The following ASNS variants were observed in gnomAD, a reference collection of about 807,000 sequenced individuals.
The protein encoded by ASNS is asparagine synthetase (glutamine-hydrolyzing), also known as asparagine synthetase [glutamine-hydrolyzing].
Under a neutral mutation model 62.6 loss-of-function variants are expected in ASNS, and 37 were observed. That is an observed-to-expected ratio of 0.59 (90% CI 0.45 to 0.78). ASNS has a LOEUF of 0.78. ASNS is among the 30% of genes least tolerant of loss of function. The pLI is 0.00. For missense variants in ASNS, 520 were observed against 682.4 expected, an observed-to-expected ratio of 0.76 and a Z score of 2.65; for synonymous variants, 207 against 237.9, an observed-to-expected ratio of 0.87 and a Z score of 1.19.
chr7:97,888,278 A>C, the ASNS span, among the ~76,000 whole-genome samples: 3 of 150,770 alleles, frequency 2.0e-5, no homozygotes, highest in African/African-American at 7.3e-5. Flanking sequence ...CCAGCCTCTT[A>C]TTCTTTTTAA....
intron 4 of ASNS, among the ~76,000 whole-genome samples, chr7:97,861,272 A>G (rs1791706319): frequency 6.6e-6 from 1 of 152,108 alleles, no homozygotes; most frequent in South Asian, 2.1e-4. Context: ...TCGGCCTCCC[A>G]AAGTGCTGGG....
chr7:97,878,202 A>G, the ASNS span, among the ~76,000 whole-genome samples: 1 of 152,212 alleles, frequency 6.6e-6, no homozygotes, highest in East Asian at 1.9e-4. Flanking sequence ...TGGCCAACCA[A>G]CATGGGGAAA....
chr7:97,925,725 G>C, the ASNS span, among the ~76,000 whole-genome samples: 1 of 152,184 alleles, frequency 6.6e-6, no homozygotes, highest in Admixed American at 6.5e-5. Context: ...TACCTGGTGC[G>C]TTAATCAGGG....
chr7:97,925,046 A>T, the ASNS span, among the ~76,000 whole-genome samples: 1 of 152,234 alleles, frequency 6.6e-6, no homozygotes, highest in Non-Finnish European at 1.5e-5. Flanking sequence ...CTGAGGCAGG[A>T]GAATCACTTG....
At chr7:97,902,028 T>C in the ASNS span, among the ~76,000 whole-genome samples, 2 of 152,160 alleles carry the variant, frequency 1.3e-5, no homozygotes, top group Non-Finnish European at 2.9e-5. Flanking sequence ...TTAATGTGTA[T>C]ATGGACAATA....
chr7:97,910,116 T>TA, the ASNS span, among the ~76,000 whole-genome samples: 1 of 152,076 alleles, frequency 6.6e-6, no homozygotes, highest in Non-Finnish European at 1.5e-5. Flanking sequence ...CAAAGACTAG[T>TA]TCCCAACCCA....
At chr7:97,914,203 G>C in the ASNS span, among the ~76,000 whole-genome samples, 3 of 150,876 alleles carry the variant, frequency 2.0e-5, no homozygotes, top group Non-Finnish European at 3.0e-5. Flanking sequence ...TGGATGGATG[G>C]ATGGAATGGT....
At chr7:97,868,829 T>A in intron 3 of ASNS, 79 bp downstream of exon 3, 1 of 1,571,476 alleles carries the variant, frequency 6.4e-7, no homozygotes, top group Non-Finnish European at 8.6e-7. Context: ...AAAAGCATGA[T>A]ACAGAATATG....
At chr7:97,881,562 C>A in the ASNS span, among the ~76,000 whole-genome samples, 3 of 152,122 alleles carry the variant, frequency 2.0e-5, no homozygotes. Context: ...ACCAAGATGG[C>A]CATTTGGTTG....
the ASNS span, among the ~76,000 whole-genome samples, chr7:97,921,450 T>A: frequency 2.6e-5 from 4 of 152,144 alleles, no homozygotes; most frequent in African/African-American, 9.7e-5. Flanking sequence ...AAAACTTTAT[T>A]TGTGTGAACA....
At chr7:97,888,568 A>G in the ASNS span, among the ~76,000 whole-genome samples, 4 of 152,070 alleles carry the variant, frequency 2.6e-5, no homozygotes, top group Non-Finnish European at 5.9e-5. Flanking sequence ...AGCCTAAAAT[A>G]TTACCGTTTG....
intron 1 of ASNS, among the ~76,000 whole-genome samples, chr7:97,870,885 G>A (rs992413994): frequency 3.9e-4 from 60 of 152,250 alleles, no homozygotes; most frequent in African/African-American, 1.4e-3. Context: ...AAAGAGGCAT[G>A]TAAAGTACAC....
intron 3 of ASNS, among the ~76,000 whole-genome samples, chr7:97,866,921 G>C (rs527993060): frequency 3.9e-5 from 6 of 152,178 alleles, no homozygotes; most frequent in Admixed American, 2.0e-4. Context: ...CTGCCTGAAG[G>C]GTTAGTGACC....
At chr7:97,899,808 A>T in the ASNS span, among the ~76,000 whole-genome samples, 1 of 152,220 alleles carries the variant, frequency 6.6e-6, no homozygotes, top group East Asian at 1.9e-4. Flanking sequence ...GTATCTCTTC[A>T]TCTGGTGATG....
the ASNS span, among the ~76,000 whole-genome samples, chr7:97,889,135 A>G: frequency 6.6e-6 from 1 of 152,196 alleles, no homozygotes; most frequent in South Asian, 2.1e-4. Context: ...GTATTGACAC[A>G]CCTGGTCCAC....
chr7:97,869,037 G>A lies in ASNS; in HGVS notation c.120C>T (p.Tyr40=). ...DAFRFENVNG[Y]TNCCFGFHRL... is the part of the protein sequence containing the mutation. Reference sequence around the variant, plus strand: ...GGTGAAATCCAAAGCAGCAGTTGGTGTATCCATTGACATTCTCAAAACGGA... The same window carrying A: ...GGTGAAATCCAAAGCAGCAGTTGGTATATCCATTGACATTCTCAAAACGGA... The change falls in exon 3 of 13, where the codon TAC becomes TAT. Residue 40 remains tyrosine, a synonymous_variant. Transcript: ENST00000394308. The A allele has an allele frequency of 1.2e-6, 2 of 1,614,206 alleles. No homozygotes were observed. The highest frequency in any genetic ancestry group is 2.2e-5 in the South Asian group (2 of 91,084).
At chr7:97,914,136 GTGGA>G in the ASNS span, among the ~76,000 whole-genome samples, 2 of 131,396 alleles carry the variant, frequency 1.5e-5, no homozygotes, top group Admixed American at 8.1e-5. Context: ...GGGTAGGTGG[GTGGA>G]TGGATGGATG....
chr7:97,919,258 G>C, the ASNS span, among the ~76,000 whole-genome samples: 1 of 152,116 alleles, frequency 6.6e-6, no homozygotes, highest in Non-Finnish European at 1.5e-5. Context: ...TAGGATTACA[G>C]GTGCACACCA....
chr7:97,879,973 G>A, the ASNS span, among the ~76,000 whole-genome samples: 1 of 152,156 alleles, frequency 6.6e-6, no homozygotes, highest in Admixed American at 6.5e-5. Flanking sequence ...GCCAGGCTGT[G>A]ATGCTGTGAT....
Sources: gnomAD v4.1 joint callset for allele counts (sites outside exome capture counted in the v4.1 genomes callset) on GRCh38, gnomAD v4.1.1 for gene constraint, MANE v1.5 for transcripts, NCBI Gene and HGNC (gene_info 2026-07-23, HGNC 2026-07-21) for gene names.